NBPF3: variants seen among roughly 807,000 people sequenced by gnomAD.
NBPF3 encodes NBPF member 3.
NBPF3 carries 57 observed loss-of-function variants against 78.1 expected under a neutral mutation model. The observed-to-expected ratio is 0.73, with a 90% CI of 0.59 to 0.91. The LOEUF is 0.91. Ranked by LOEUF, NBPF3 falls within the 40% of genes least tolerant of loss-of-function variation. NBPF3 has a pLI of 0.00. For missense variants in NBPF3, 510 were observed against 715.3 expected, an observed-to-expected ratio of 0.71 and a Z score of 3.27; for synonymous variants, 182 against 271.7, an observed-to-expected ratio of 0.67 and a Z score of 3.25.
chr1:21,468,812 G>A lies in NBPF3; in HGVS notation c.258G>A (p.Glu86=). 6.2e-7 allele frequency: 1 copy of A among 1,614,142 alleles called. No homozygotes were observed. The highest frequency in any genetic ancestry group is 1.1e-5 in the South Asian group (1 of 91,080). ...AGAAATCGCGCCCCCAGCTGGCAGAGAACAAACAGCAGTTCAGAAACCTCA... is the reference window on the plus strand; with the variant it reads ...AGAAATCGCGCCCCCAGCTGGCAGAAAACAAACAGCAGTTCAGAAACCTCA... The part of the protein sequence containing the change: ...INKKSRPQLA[E]NKQQFRNLKQ... The change falls in exon 3 of 15, where the codon GAG becomes GAA. Residue 86 remains glutamate, a synonymous_variant. Coordinates refer to ENST00000318249, the MANE Select transcript of NBPF3 (RefSeq NM_032264.6).
chr1:21,458,281 T>C (rs144003643), intron 2 of NBPF3, among the ~76,000 whole-genome samples: 1 of 152,082 alleles, frequency 6.6e-6, no homozygotes, highest in Non-Finnish European at 1.5e-5. Context: ...CGTTATTTTG[T>C]CATGCTTTAA....
At chr1:21,441,574 G>T (rs1362665385) in intron 1 of NBPF3, among the ~76,000 whole-genome samples, 1 of 151,980 alleles carries the variant, frequency 6.6e-6, no homozygotes, top group Non-Finnish European at 1.5e-5. Flanking sequence ...GTGTGTGGTG[G>T]TGTGTGCCTG....
chr1:21,478,889 T>G (rs193110004), intron 9 of NBPF3, among the ~76,000 whole-genome samples: 107 of 152,374 alleles, frequency 7.0e-4, no homozygotes, highest in African/African-American at 2.5e-3. Context: ...AAAGCCATGA[T>G]AGCTGATGCT....
intron 2 of NBPF3, chr1:21,451,638 T>C (rs1025679430): frequency 6.5e-6 from 1 of 154,588 alleles, no homozygotes; most frequent in Middle Eastern, 3.2e-3. Context: ...AGCATGAGCT[T>C]CTGTCAGGCC....
intron 8 of NBPF3, among the ~76,000 whole-genome samples, chr1:21,475,302 T>C (rs1558503714): frequency 6.6e-6 from 1 of 152,242 alleles, no homozygotes; most frequent in Non-Finnish European, 1.5e-5. Context: ...TGCCTTCTGC[T>C]AGCTTTTGAA....
At position 21,473,428 on chromosome 1, in the gene NBPF3, G is replaced by A; in HGVS notation, c.783G>A (p.Glu261=). Residue 261 remains glutamate (E), a synonymous_variant, in exon 7 of 15, where the codon GAG becomes GAA. Coordinates refer to ENST00000318249, the MANE Select transcript of NBPF3 (RefSeq NM_032264.6). ...EEKEVPEDSL[E]ECAITCSNSH... is the part of the protein sequence containing the mutation. ...AGGAAGTCCCTGAGGACTCACTGGAGGAGTGTGCCATCACTTGTTCAAATA... is the reference window on the plus strand; with the variant it reads ...AGGAAGTCCCTGAGGACTCACTGGAAGAGTGTGCCATCACTTGTTCAAATA... The A allele has an allele frequency of 6.2e-7, 1 of 1,614,170 alleles. No homozygotes were observed. The highest frequency in any genetic ancestry group is 8.5e-7 in the Non-Finnish European group (1 of 1,180,026).
intron 1 of NBPF3, 73 bp from the exon 2 acceptor site, chr1:21,444,875 G>A: frequency 2.0e-6 from 1 of 494,078 alleles, no homozygotes; most frequent in South Asian, 3.1e-5. Context: ...TCCGTAAATG[G>A]CAGCTCCATC....
Position 21,483,397 on chromosome 1 carries a change from C to T in NBPF3, c.*11C>T, listed in dbSNP as rs1423402207. On this transcript the variant is annotated 3_prime_UTR_variant, in exon 15 of 15. Transcript: ENST00000318249. ...ATATTCCCACACTAAGCAGCCCTTA[C>T]TAAGCTGAGAGATGTCATTGCTGCA... 1 of 781,878 alleles carries T rather than the reference C, an allele frequency of 1.3e-6. No homozygotes were observed. The highest frequency in any genetic ancestry group is 3.0e-5 in the East Asian group (1 of 33,292). The allele number at this position is 781,878 out of a possible 1,614,324, so 48.4% of individuals were successfully genotyped here. A position where few individuals can be genotyped will look rare whatever the true frequency, so the allele number is the denominator to read the frequency against.
Position 21,483,153 on chromosome 1 carries a change from G to T in NBPF3, c.1669G>T (p.Val557Leu), listed in dbSNP as rs765260391. ...TGTCTCCTTTTCCAGGCTCAACGAG[G>T]TGCTGATGGAAGCAGAAGAGCCTGA... ...QKPPCPRLNEVLMEAEEPEVL... is the reference protein window; with the variant it reads ...QKPPCPRLNELLMEAEEPEVL... Residue 557 changes from valine (V) to leucine (L), a missense_variant, in exon 15 of 15, where the codon GTG (valine) becomes TTG (leucine). By Grantham distance (32) the Val-to-Leu change is conservative. Coordinates refer to ENST00000318249, the MANE Select transcript of NBPF3 (RefSeq NM_032264.6). 6.2e-7 allele frequency: 1 copy of T among 1,611,222 alleles called. No homozygotes were observed. Among genetic ancestry groups the T allele is most frequent in the Non-Finnish European group, 8.5e-7 (1 of 1,179,348 alleles).
intron 9 of NBPF3, among the ~76,000 whole-genome samples, chr1:21,478,795 T>C (rs1643020872): frequency 6.6e-6 from 1 of 152,230 alleles, no homozygotes; most frequent in Non-Finnish European, 1.5e-5. Context: ...CTTTTCTGTG[T>C]CTTCTAAGTT....
Position 21,470,635 on chromosome 1 carries a change from A to G in NBPF3, c.347A>G (p.Tyr116Cys), listed in dbSNP as rs373970730. Residue 116 changes from tyrosine to cysteine, a missense_variant, in exon 4 of 15, where the codon TAT becomes TGT. Around this residue, in one of 5 missense-constraint regions of NBPF3, gnomAD observed 440 missense variants for 478.2 expected, o/e 0.92. Coordinates refer to ENST00000318249, the MANE Select transcript of NBPF3 (RefSeq NM_032264.6). ...AGGCGTGTGTGTCTTTTCTCAGACT[A>G]TGAAGACTGCAAAGACCTCATAAAA... ...FLANRQNNYD[Y>C]EDCKDLIKSM... 41 of 1,591,340 alleles carry G rather than the reference A, an allele frequency of 2.6e-5. No homozygotes were observed. The East Asian group carries it at 2.7e-4, about 11-fold the overall frequency.
At position 21,470,248 on chromosome 1, in the gene NBPF3, C is replaced by T. The variant is rs555874553; in HGVS notation, c.344-384C>T. The stretch of plus-strand genomic sequence containing the variant: ...AAGGGAAACCATCAGTCCCATAGTC[C>T]TAGGGGCCTTCCCAACTGTACAAGA... On this transcript the variant is annotated intron_variant, in intron 3 of 14. Transcript: ENST00000318249. Among the ~76,000 whole-genome samples, 13 of 152,306 alleles carry T rather than the reference C, an allele frequency of 8.5e-5. No individual in the cohort carries two copies. In the East Asian group the frequency reaches 1.7e-3, roughly 20 times the overall value.
At chr1:21,474,564 T>C (rs1351802285) in intron 7 of NBPF3, among the ~76,000 whole-genome samples, 2 of 152,186 alleles carry the variant, frequency 1.3e-5, no homozygotes, top group African/African-American at 4.8e-5. Context: ...TGTTACCTGG[T>C]GATATAAGTC....
At chr1:21,464,150 T>C (rs1642117728) in intron 2 of NBPF3, among the ~76,000 whole-genome samples, 2 of 152,202 alleles carry the variant, frequency 1.3e-5, no homozygotes, top group African/African-American at 4.8e-5. Context: ...AAACAGGTGT[T>C]CACTCAAAAA....
At chr1:21,477,241 A>T (rs7527672) in intron 8 of NBPF3, among the ~76,000 whole-genome samples, 1 of 151,976 alleles carries the variant, frequency 6.6e-6, no homozygotes, top group South Asian at 2.1e-4. Context: ...TTAGCTCGGA[A>T]AAGTTTATTA....
intron 8 of NBPF3, among the ~76,000 whole-genome samples, chr1:21,477,685 G>T (rs1472990886): frequency 6.6e-6 from 1 of 152,108 alleles, no homozygotes; most frequent in Non-Finnish European, 1.5e-5. Flanking sequence ...GCTAGTATTT[G>T]TGTAAGCAAA....
chr1:21,479,812 C>G lies in NBPF3; in HGVS notation c.1209-239C>G, dbSNP rs4654754. Among the ~76,000 whole-genome samples, 6 of 31,160 alleles carry G rather than the reference C, an allele frequency of 1.9e-4. No homozygotes were observed. The East Asian group carries it at 0.01, about 52-fold the overall frequency. The allele number at this position is 31,160 out of a possible 152,430, so 20.4% of individuals were successfully genotyped here. A position where few individuals can be genotyped will look rare whatever the true frequency, so the allele number is the denominator to read the frequency against. On this transcript the variant is annotated intron_variant, in intron 10 of 14. Coordinates refer to ENST00000318249, the MANE Select transcript of NBPF3 (RefSeq NM_032264.6). Reference sequence around the variant, plus strand: ...TCACTATCTCTCTCTCTCTCTCTCTCTCTCTCTCTGTGTGTGTGTGTGTGT... The same window carrying G: ...TCACTATCTCTCTCTCTCTCTCTCTGTCTCTCTCTGTGTGTGTGTGTGTGT...
chr1:21,478,023 A>C, intron 8 of NBPF3, 121 bp from the exon 9 acceptor site: 3 of 1,601,708 alleles, frequency 1.9e-6, no homozygotes, highest in Non-Finnish European at 2.6e-6. Context: ...TCTTGAAGGA[A>C]AAATGCCTTT....
chr1:21,466,813 T>C (rs1642296117), intron 2 of NBPF3, among the ~76,000 whole-genome samples: 1 of 152,206 alleles, frequency 6.6e-6, no homozygotes, highest in African/African-American at 2.4e-5. Flanking sequence ...TACTTACGGA[T>C]AATAGCATTA....
Sources: gnomAD v4.1 joint callset for allele counts (sites outside exome capture counted in the v4.1 genomes callset) on GRCh38, gnomAD v4.1.1 for gene constraint, gnomAD v4.1.1 regional missense constraint, MANE v1.5 for transcripts, NCBI Gene and HGNC (gene_info 2026-07-23, HGNC 2026-07-21) for gene names.